The following RMST variants were observed in gnomAD, a reference collection of about 807,000 sequenced individuals.
RMST encodes rhabdomyosarcoma 2 associated transcript, also known as long intergenic non-protein coding RNA 54.
intron 5 of RMST, among the ~76,000 whole-genome samples, chr12:97,474,343 G>T (rs893056656): frequency 6.6e-6 from 1 of 152,106 alleles, no homozygotes; most frequent in African/African-American, 2.4e-5. Context: ...CCTGTGACTT[G>T]TGAATGCCTT....
rs987560719 is a variant in RMST, at chr12:97,561,922, A to T, written n.1958+875A>T. Among the ~76,000 whole-genome samples the T allele has an allele frequency of 7.2e-5, 11 of 152,072 alleles. No homozygotes were observed. In the South Asian group the frequency reaches 1.9e-3, roughly 26 times the overall value. Reference sequence around the variant, plus strand: ...TCAATAATAACATTCTTCTTTTTTTAAAGATAATTTTGCCAGGGAGGAGGG... The same window carrying T: ...TCAATAATAACATTCTTCTTTTTTTTAAGATAATTTTGCCAGGGAGGAGGG... On this transcript the variant is annotated intron_variant and non_coding_transcript_variant, in intron 13 of 13. Coordinates refer to ENST00000640149, the Ensembl canonical transcript of RMST.
chr12:97,537,287 C>A (rs964941440), intron 11 of RMST, among the ~76,000 whole-genome samples: 2 of 151,198 alleles, frequency 1.3e-5, no homozygotes, highest in African/African-American at 2.4e-5. Flanking sequence ...GATGATTAAA[C>A]CCTTAGGCAG....
chr12:97,464,349 CA>C (rs963962846), intron 4 of RMST, among the ~76,000 whole-genome samples: 3 of 152,154 alleles, frequency 2.0e-5, no homozygotes, highest in Non-Finnish European at 4.4e-5. Flanking sequence ...GACCGAAAAG[CA>C]GTCTGAATAT....
At chr12:97,501,002 G>A (rs886738777) in intron 10 of RMST, among the ~76,000 whole-genome samples, 1 of 152,178 alleles carries the variant, frequency 6.6e-6, no homozygotes, top group African/African-American at 2.4e-5. Context: ...CTTTGCTATA[G>A]GTGTTTCTAA....
chr12:97,546,679 T>A (rs1266188645), intron 11 of RMST, among the ~76,000 whole-genome samples: 1 of 152,108 alleles, frequency 6.6e-6, no homozygotes, highest in African/African-American at 2.4e-5. Context: ...AATTCTTAAT[T>A]GACAAATTAA....
intron 13 of RMST, chr12:97,563,669 G>T: frequency 2.4e-6 from 1 of 409,600 alleles, no homozygotes; most frequent in Non-Finnish European, 4.8e-6. Context: ...ATAAAATCTT[G>T]TTAATTCGTG....
chr12:97,563,864 A>G, intron 13 of RMST: 1 of 514,360 alleles, frequency 1.9e-6, no homozygotes, highest in Non-Finnish European at 4.1e-6. Flanking sequence ...TGATAGTAAT[A>G]AAGTCTCATG....
intron 11 of RMST, among the ~76,000 whole-genome samples, chr12:97,536,024 T>C (rs1882049383): frequency 6.6e-6 from 1 of 151,648 alleles, no homozygotes; most frequent in Non-Finnish European, 1.5e-5. Context: ...ATAATTATGT[T>C]TAACAGAATT....
At chr12:97,525,028 A>G (rs1313456343) in intron 10 of RMST, among the ~76,000 whole-genome samples, 1 of 152,186 alleles carries the variant, frequency 6.6e-6, no homozygotes. Context: ...CATCTAAAGG[A>G]TGCCTTGAGA....
intron 10 of RMST, among the ~76,000 whole-genome samples, chr12:97,499,309 G>C (rs1182807462): frequency 6.6e-6 from 1 of 151,632 alleles, no homozygotes; most frequent in Non-Finnish European, 1.5e-5. Context: ...ATTTCTTTCA[G>C]AGATCTGTAT....
At chr12:97,541,243 ATAAAGTACACGGAGATGT>A (rs1384547674) in intron 11 of RMST, 2 of 151,672 alleles carry the variant, frequency 1.3e-5, no homozygotes, top group Non-Finnish European at 3.0e-5. Context: ...TTCATTTTCT[ATAAAGTACACGGAGATGT>A]TAAGTGATTT....
intron 5 of RMST, among the ~76,000 whole-genome samples, chr12:97,466,908 C>T (rs74636665): frequency 0.016 from 2,369 of 152,078 alleles, 53 homozygotes; most frequent in African/African-American, 0.052. Flanking sequence ...TTCCAGATTG[C>T]GCCTACTTTA....
At chr12:97,495,555 G>A (rs940936934) in intron 9 of RMST, among the ~76,000 whole-genome samples, 1 of 151,970 alleles carries the variant, frequency 6.6e-6, no homozygotes, top group Non-Finnish European at 1.5e-5. Context: ...ATATTAGTGT[G>A]TTCAACACTG....
chr12:97,526,609 G>A (rs934201912), intron 10 of RMST, among the ~76,000 whole-genome samples: 27 of 152,118 alleles, frequency 1.8e-4, no homozygotes, highest in Non-Finnish European at 7.4e-5. Flanking sequence ...TAGCATAGGA[G>A]GCAGGGTAAT....
intron 9 of RMST, among the ~76,000 whole-genome samples, chr12:97,495,175 A>ATGGG (rs1877254358): frequency 1.7e-5 from 1 of 58,024 alleles, no homozygotes; most frequent in African/African-American, 1.3e-4. Flanking sequence ...CATTATTCTT[A>ATGGG]TGGGGGGGGA....
chr12:97,540,355 T>A (rs760728782), intron 11 of RMST, among the ~76,000 whole-genome samples: 5 of 151,792 alleles, frequency 3.3e-5, no homozygotes, highest in Non-Finnish European at 5.9e-5. Flanking sequence ...CTGAAGACAT[T>A]TTAAAAAATT....
At chr12:97,506,873 G>A (rs1018866131) in intron 10 of RMST, among the ~76,000 whole-genome samples, 4 of 151,758 alleles carry the variant, frequency 2.6e-5, no homozygotes, top group Admixed American at 6.6e-5. Context: ...TAGTAGAGAC[G>A]GGGTTTAACT....
intron 5 of RMST, among the ~76,000 whole-genome samples, chr12:97,469,437 G>A (rs1027911906): frequency 3.3e-5 from 5 of 151,800 alleles, no homozygotes; most frequent in African/African-American, 1.2e-4. Context: ...ATTATTTTAA[G>A]GGATTTCTAA....
intron 5 of RMST, among the ~76,000 whole-genome samples, chr12:97,474,175 T>TA (rs1874253138): frequency 6.6e-6 from 1 of 152,112 alleles, no homozygotes; most frequent in Admixed American, 6.6e-5. Flanking sequence ...TGAAGGGACT[T>TA]ATACTGGACA....
Sources: allele counts gnomAD v4.1 joint callset (sites outside exome capture counted in the v4.1 genomes callset), GRCh38; gene constraint gnomAD v4.1.1; transcripts MANE v1.5; gene names NCBI Gene and HGNC (gene_info 2026-07-23, HGNC 2026-07-21).